ZNF410: variants seen among roughly 807,000 people sequenced by gnomAD.
The protein encoded by ZNF410 is another partner for ARF 1.
ZNF410 carries 18 observed loss-of-function variants against 54.8 expected under a neutral mutation model. The observed-to-expected ratio is 0.33, with a 90% CI of 0.23 to 0.49. ZNF410 has a LOEUF of 0.49. Ranked by LOEUF, ZNF410 falls within the 20% of genes least tolerant of loss-of-function variation. The probability of loss-of-function intolerance (pLI) is 0.99; values close to 1 mark genes in which losing one functional copy is unlikely to be tolerated. For synonymous variants in ZNF410, 191 were observed against 207.3 expected (o/e 0.92, Z 0.68); for missense variants, 405 against 569.6 (o/e 0.71, Z 2.94).
At position 73,918,714 on chromosome 14, in the gene ZNF410, T is replaced by TAC. The variant is rs1555354290; in HGVS notation, c.1004-2266_1004-2265insAC. On this transcript the variant is annotated intron_variant, in intron 8 of 11. Transcript: ENST00000555044. ...TTTTTTTTTTTTTTTTTTTTTTTTT[T>TAC]CCCCTAAACGGAGTCTTGCTGTCTC... is the stretch of plus-strand genomic sequence containing the variant. Among the ~76,000 whole-genome samples, 36 of 113,272 alleles carry TAC rather than the reference T, an allele frequency of 3.2e-4. 2 individuals carry two copies. The highest frequency in any genetic ancestry group is 1.3e-3 in the South Asian group (4 of 3,162). The allele number at this position is 113,272 out of a possible 152,430, so 74.3% of individuals were successfully genotyped here.
At chr14:73,906,113 C>T (rs1464741037) in intron 7 of ZNF410, among the ~76,000 whole-genome samples, 1 of 151,564 alleles carries the variant, frequency 6.6e-6, no homozygotes, top group Admixed American at 6.6e-5. Flanking sequence ...ATTCTCCTGC[C>T]TCAGCCTCCT....
chr14:73,896,166 C>T, intron 3 of ZNF410, 150 bp from the exon 4 acceptor site: 2 of 628,368 alleles, frequency 3.2e-6, no homozygotes, highest in Non-Finnish European at 5.5e-6. Context: ...CTCTGTTCTT[C>T]TGTGAGACAA....
chr14:73,930,297 A>G (rs2055892258), intron 11 of ZNF410, among the ~76,000 whole-genome samples: 1 of 152,152 alleles, frequency 6.6e-6, no homozygotes, highest in Non-Finnish European at 1.5e-5. Flanking sequence ...TTTGTTTAAA[A>G]GTCTTTAAAT....
At chr14:73,926,901 T>C (rs1292010056) in intron 11 of ZNF410, among the ~76,000 whole-genome samples, 1 of 152,218 alleles carries the variant, frequency 6.6e-6, no homozygotes, top group Non-Finnish European at 1.5e-5. Context: ...GAATATTTCA[T>C]AAATGGTGCT....
At chr14:73,909,540 A>G in intron 8 of ZNF410, 110 bp downstream of exon 8, 2 of 841,996 alleles carry the variant, frequency 2.4e-6, no homozygotes, top group South Asian at 1.7e-5. Context: ...TTCACTATAA[A>G]GATAGAAAGC....
chr14:73,905,113 A>G lies in ZNF410; in HGVS notation c.913+30A>G, dbSNP rs766894488. On this transcript the variant is annotated intron_variant, in intron 7 of 11. Transcript: ENST00000555044. ...GTGCAGCACCAACATTCCTTTGGGC[A>G]GTCTGCTCCTTGGCTCTGCATGTTT... 8 of 1,601,196 alleles carry G rather than the reference A, an allele frequency of 5.0e-6. No homozygotes were observed. The South Asian group carries it at 5.6e-5, about 11-fold the overall frequency.
intron 5 of ZNF410, among the ~76,000 whole-genome samples, chr14:73,900,917 G>A (rs768832023): frequency 5.9e-5 from 9 of 152,270 alleles, no homozygotes; most frequent in Non-Finnish European, 7.4e-5. Context: ...TCTTCTTTCA[G>A]TGTGGCTCAG....
intron 8 of ZNF410, among the ~76,000 whole-genome samples, chr14:73,910,681 A>G (rs576016303): frequency 4.1e-4 from 61 of 148,302 alleles, no homozygotes; most frequent in African/African-American, 1.5e-3. Flanking sequence ...TGAACCTGGG[A>G]GGCAGAGGTT....
chr14:73,931,645 A>AG lies in ZNF410; in HGVS notation c.*106dup. On this transcript the variant is annotated 3_prime_UTR_variant, in exon 12 of 12. Coordinates refer to ENST00000555044, the MANE Select transcript of ZNF410 (RefSeq NM_021188.3). ...CAACAGAACCAGAATGAATCTTTGA[A>AG]GGCACAAGACTCTGCTTTTGCCACT... The AG allele has an allele frequency of 9.3e-7, 1 of 1,079,442 alleles. No individual in the cohort carries two copies. The highest frequency in any genetic ancestry group is 1.6e-5 in the African/African-American group (1 of 62,862). 66.9% of individuals were successfully genotyped at this position (1,079,442 alleles called of 1,614,324 possible).
chr14:73,894,124 A>T (rs1379783744), intron 3 of ZNF410, among the ~76,000 whole-genome samples, 192 bp downstream of exon 3: 3 of 152,210 alleles, frequency 2.0e-5, no homozygotes, highest in Non-Finnish European at 2.9e-5. Context: ...GGATATGATC[A>T]CCCAGAGAGT....
chr14:73,900,164 G>T (rs1242978448), intron 5 of ZNF410, among the ~76,000 whole-genome samples: 1 of 150,604 alleles, frequency 6.6e-6, no homozygotes, highest in African/African-American at 2.4e-5. Flanking sequence ...CTGCACTCCA[G>T]CCTGGGCAAC....
rs1441140510 is a variant in ZNF410, at chr14:73,893,845, C to T, written c.82C>T (p.Leu28Phe). Reference protein sequence around the residue: ...QNTSIPLGQGLVESEAKDITC... With the variant: ...QNTSIPLGQGFVESEAKDITC... ...TACGTCCATCCCATTGGGACAGGGG[C>T]TTGTAGAATCAGAAGCTAAAGATAT... is the stretch of plus-strand genomic sequence containing the variant. The change falls in exon 3 of 12, where the codon CTT becomes TTT. Residue 28 changes from leucine to phenylalanine, a missense_variant. Physicochemically the swap from Leu to Phe is conservative, Grantham distance 22. Coordinates refer to ENST00000555044, the MANE Select transcript of ZNF410 (RefSeq NM_021188.3). 1 of 1,613,988 alleles carries T rather than the reference C, an allele frequency of 6.2e-7. No homozygotes were observed. Among genetic ancestry groups the T allele is most frequent in the Admixed American group, 1.7e-5 (1 of 59,986 alleles).
At chr14:73,890,044 C>T (rs1282953338) in intron 1 of ZNF410, among the ~76,000 whole-genome samples, 1 of 152,138 alleles carries the variant, frequency 6.6e-6, no homozygotes, top group Non-Finnish European at 1.5e-5. Context: ...TTCCGCCTGC[C>T]TCGGCCTCCC....
In ZNF410 at chr14:73,921,067, A is replaced by T. The variant is rs1363436488; in HGVS notation, c.1091A>T (p.Gln364Leu). Residue 364 changes from glutamine (Q) to leucine (L), a missense_variant, in exon 9 of 12, where the codon CAG (glutamine) becomes CTG (leucine). Transcript: ENST00000555044. ...RNVHMRKHHLQLGAAGSQEQE... is the reference protein window; with the variant it reads ...RNVHMRKHHLLLGAAGSQEQE... ...GTGCATATGAGAAAGCATCACCTGC[A>T]GCTGGGAGCAGCTGGGAGTCAAGAG... 6.2e-7 allele frequency: 1 copy of T among 1,614,024 alleles called. No homozygotes were observed. Among genetic ancestry groups the T allele is most frequent in the Non-Finnish European group, 8.5e-7 (1 of 1,180,010 alleles).
At chr14:73,927,848 T>TTA (rs1555355008) in intron 11 of ZNF410, 3 of 146,652 alleles carry the variant, frequency 2.0e-5, no homozygotes, top group African/African-American at 7.5e-5. Context: ...TTTTTTTTTT[T>TTA]AATTTTTTAG....
intron 3 of ZNF410, chr14:73,894,369 A>T: frequency 1.4e-6 from 1 of 702,666 alleles, no homozygotes; most frequent in South Asian, 1.5e-5. Flanking sequence ...AACCTGTTCC[A>T]TGGAGAGAAG....
rs570588624 is a variant in ZNF410 at position 73,896,644 on chromosome 14, A to G, written c.388+110A>G. 34 of 851,214 alleles carry G rather than the reference A, an allele frequency of 4.0e-5. No individual in the cohort carries two copies. The African/African-American group carries it at 5.5e-4, about 14-fold the overall frequency. The allele number at this position is 851,214 out of a possible 1,614,324, so 52.7% of individuals were successfully genotyped here. ...TAGAAAGAACCTTTATTATTTTATT[A>G]TTTTGGAGAATTGGTGTGTCTGGTG... On this transcript the variant is annotated intron_variant, in intron 4 of 11. Transcript: ENST00000555044.
chr14:73,890,787 C>T lies in ZNF410; in HGVS notation c.-149-1240C>T, dbSNP rs537768887. 4.5e-3 allele frequency among the ~76,000 whole-genome samples: 686 copies of T among 152,094 alleles called. 6 individuals carry two copies. Among genetic ancestry groups the T allele is most frequent in the African/African-American group, 0.016 (655 of 41,500 alleles). ...CAGCACTTTGGGAGGCCACGGCAGG[C>T]GGATCACCTGAAGTTGGGAGTTCGA... On this transcript the variant is annotated intron_variant, in intron 1 of 11. Coordinates refer to ENST00000555044, the MANE Select transcript of ZNF410 (RefSeq NM_021188.3).
At chr14:73,900,045 A>G (rs2055381544) in intron 5 of ZNF410, among the ~76,000 whole-genome samples, 1 of 152,020 alleles carries the variant, frequency 6.6e-6, no homozygotes, top group African/African-American at 2.4e-5. Flanking sequence ...AAAATACAAA[A>G]TTAGCTGGGC....
Sources: allele counts gnomAD v4.1 joint callset (sites outside exome capture counted in the v4.1 genomes callset), GRCh38; gene constraint gnomAD v4.1.1; transcripts MANE v1.5; gene names NCBI Gene and HGNC (gene_info 2026-07-23, HGNC 2026-07-21).